SLC22A23: variants seen among roughly 807,000 people sequenced by gnomAD.
The protein encoded by SLC22A23 is ion transporter protein.
Under a neutral mutation model 61.0 loss-of-function variants are expected in SLC22A23, and 26 were observed. That is an observed-to-expected ratio of 0.43 (90% CI 0.31 to 0.59). The LOEUF (loss-of-function observed/expected upper bound fraction) is 0.59. Ranked by LOEUF, SLC22A23 falls within the 20% of genes least tolerant of loss-of-function variation. The pLI is 0.11. For missense variants in SLC22A23, 796 were observed against 934.7 expected, an observed-to-expected ratio of 0.85 and a Z score of 1.94; for synonymous variants, 430 against 413.9, an observed-to-expected ratio of 1.04 and a Z score of -0.47.
rs143472375 is a variant in SLC22A23 at position 3,346,505 on chromosome 6, G to T, written c.914-22503C>A. ...CTGTGCACCCCATTGCCGCTACTCT[G>T]TTCCAGCTTGGGTAGGGTCCCCTCC... On this transcript the variant is annotated intron_variant, in intron 3 of 9. Coordinates refer to ENST00000406686, the MANE Select transcript of SLC22A23 (RefSeq NM_015482.2). 1.6e-3 allele frequency among the ~76,000 whole-genome samples: 244 copies of T among 152,266 alleles called. 1 individual carries two copies. Among genetic ancestry groups the T allele is most frequent in the African/African-American group, 5.5e-3 (229 of 41,534 alleles).
chr6:3,376,938 C>T (rs1156899257), intron 3 of SLC22A23, among the ~76,000 whole-genome samples: 1 of 151,368 alleles, frequency 6.6e-6, no homozygotes, highest in African/African-American at 2.4e-5. Context: ...GGAAGAAGGG[C>T]ATTTCAGATG....
In SLC22A23 at chr6:3,323,876, G is replaced by A; in HGVS notation, c.1040C>T (p.Ala347Val). 1.2e-6 allele frequency: 2 copies of A among 1,614,086 alleles called. No homozygotes were observed. Among genetic ancestry groups the A allele is most frequent in the African/African-American group, 1.3e-5 (1 of 75,068 alleles). The change falls in exon 4 of 10, where the codon GCC becomes GTC. Residue 347 changes from alanine (A) to valine (V), a missense_variant. Ala to Val is a moderately conservative substitution (Grantham distance 64). Coordinates refer to ENST00000406686, the MANE Select transcript of SLC22A23 (RefSeq NM_015482.2). ...ALCRDWQVLQ[A>V]LIICPFLLML... is the part of the protein sequence containing the mutation. ...GAGCAGGAAGGGGCAGATGATGAGG[G>A]CCTGCAGCACCTGCCAATCCCGGCA...
In SLC22A23 at chr6:3,308,235, G is replaced by GCC. The variant is rs151141993; in HGVS notation, c.1083-10019_1083-10018dup. On this transcript the variant is annotated intron_variant, in intron 4 of 9. Transcript: ENST00000406686. This position sits in a 1 kb window ranked among gnomAD's most constrained non-coding sequence, Gnocchi z 5.1. ...AGAAAATATTACAGAGAAGACGAAA[G>GCC]CCCCCCCATACCGCTCACCCCAATC... is the stretch of plus-strand genomic sequence containing the variant. Among the ~76,000 whole-genome samples, 1 of 152,114 alleles carries GCC rather than the reference G, an allele frequency of 6.6e-6. No individual in the cohort carries two copies. The highest frequency in any genetic ancestry group is 2.4e-5 in the African/African-American group (1 of 41,484).
chr6:3,416,532 A>G (rs192745369), intron 1 of SLC22A23, among the ~76,000 whole-genome samples: 8 of 152,282 alleles, frequency 5.3e-5, no homozygotes, highest in South Asian at 2.1e-4. Context: ...GTTTAATAAG[A>G]AAAATACAAA....
rs538838454 is a variant in SLC22A23, at chr6:3,372,876, GT to G, written c.913+37311del. Among the ~76,000 whole-genome samples, 39 of 152,306 alleles carry G rather than the reference GT, an allele frequency of 2.6e-4. No homozygotes were observed. The highest frequency in any genetic ancestry group is 9.1e-4 in the African/African-American group (38 of 41,564). On this transcript the variant is annotated intron_variant, in intron 3 of 9. Transcript: ENST00000406686. This position sits in a 1 kb window ranked among gnomAD's most constrained non-coding sequence, Gnocchi z 4.7. ...AATACTTAAAATACACTAAGTGAGA[GT>G]CAGGATTCTTCCGTAAAACTCCAAT...
At chr6:3,284,783 A>C (rs1648269857) in intron 8 of SLC22A23, among the ~76,000 whole-genome samples, 1 of 152,224 alleles carries the variant, frequency 6.6e-6, no homozygotes, top group Admixed American at 6.5e-5. Flanking sequence ...CCTAAGACAA[A>C]GCATGTTGGC....
At chr6:3,302,189 T>C (rs1202935021) in intron 4 of SLC22A23, among the ~76,000 whole-genome samples, 1 of 152,230 alleles carries the variant, frequency 6.6e-6, no homozygotes, top group African/African-American at 2.4e-5. Context: ...CAGGAATTTA[T>C]CCATTTCCTT....
Position 3,286,937 on chromosome 6 carries a change from G to C in SLC22A23, c.1468C>G (p.Leu490Val). ...AGCAGCAGCCCTCCCCTGCGCCCGAGGAATCGGACCACCACGCACATGGCC... is the reference window on the plus strand; with the variant it reads ...AGCAGCAGCCCTCCCCTGCGCCCGACGAATCGGACCACCACGCACATGGCC... ...CLAMCVVVRF[L>V]GRRGGLLLFM... The change falls in exon 7 of 10, where the codon CTC becomes GTC. Residue 490 changes from leucine to valine, a missense_variant. Transcript: ENST00000406686. The surrounding 1 kb of genome is among the most constrained non-coding windows in gnomAD (Gnocchi z 4.2). 1 of 1,613,994 alleles carries C rather than the reference G, an allele frequency of 6.2e-7. No individual in the cohort carries two copies.
intron 3 of SLC22A23, among the ~76,000 whole-genome samples, chr6:3,348,361 T>A (rs1764566890): frequency 6.6e-6 from 1 of 152,200 alleles, no homozygotes; most frequent in South Asian, 2.1e-4. Flanking sequence ...TGTATTTTTC[T>A]ACAAGCTTCT....
At chr6:3,407,628 A>G (rs946344932) in intron 3 of SLC22A23, among the ~76,000 whole-genome samples, 1 of 152,252 alleles carries the variant, frequency 6.6e-6, no homozygotes, top group Non-Finnish European at 1.5e-5. Flanking sequence ...CCTTTGGTTT[A>G]GTTTAGTTGT....
In SLC22A23 at chr6:3,438,934, C is replaced by T. The variant is rs896230492; in HGVS notation, c.654+16972G>A. 9.2e-5 allele frequency among the ~76,000 whole-genome samples: 14 copies of T among 152,354 alleles called. No individual in the cohort carries two copies. In the South Asian group the frequency reaches 2.1e-3, roughly 23 times the overall value. ...CCTCAGCCTGAACACCCATGTGTCCCGTACTGTGGGTTAAAGAGCAGAGGT... is the reference window on the plus strand; with the variant it reads ...CCTCAGCCTGAACACCCATGTGTCCTGTACTGTGGGTTAAAGAGCAGAGGT... On this transcript the variant is annotated intron_variant, in intron 1 of 9. Transcript: ENST00000406686.
intron 3 of SLC22A23, among the ~76,000 whole-genome samples, chr6:3,397,011 C>T (rs1402219333): frequency 1.3e-5 from 2 of 152,068 alleles, no homozygotes; most frequent in African/African-American, 4.8e-5. Context: ...CCCCGTCACG[C>T]ACGCCCACCG....
In SLC22A23 at chr6:3,324,094, C is replaced by T. The variant is rs1044488895; in HGVS notation, c.914-92G>A. The T allele has an allele frequency of 3.4e-6, 5 of 1,461,232 alleles. No homozygotes were observed. In the African/African-American group the frequency reaches 5.6e-5, roughly 16 times the overall value. 90.5% of individuals were successfully genotyped at this position (1,461,232 alleles called of 1,614,324 possible). ...ACCTGGGCCAGTGCACTGCTTAACC[C>T]ACCAACGACTGAAATTGTTTTCATC... On this transcript the variant is annotated intron_variant, in intron 3 of 9. Coordinates refer to ENST00000406686, the MANE Select transcript of SLC22A23 (RefSeq NM_015482.2). The surrounding 1 kb of genome is among the most constrained non-coding windows in gnomAD (Gnocchi z 4.3).
chr6:3,385,444 A>G (rs1767237891), intron 3 of SLC22A23, among the ~76,000 whole-genome samples: 1 of 152,190 alleles, frequency 6.6e-6, no homozygotes. Context: ...TGAGTCTGGG[A>G]GGCAGAGGTT....
rs1221362028 is a variant in SLC22A23, at chr6:3,309,396, AAC to A, written c.1083-11180_1083-11179del. 2.0e-5 allele frequency among the ~76,000 whole-genome samples: 3 copies of A among 152,226 alleles called. No individual in the cohort carries two copies. Among genetic ancestry groups the A allele is most frequent in the Non-Finnish European group, 4.4e-5 (3 of 68,034 alleles). On this transcript the variant is annotated intron_variant, in intron 4 of 9. Coordinates refer to ENST00000406686, the MANE Select transcript of SLC22A23 (RefSeq NM_015482.2). This position sits in a 1 kb window ranked among gnomAD's most constrained non-coding sequence, Gnocchi z 4.7. ...GAGGTAACTCAGTCCACTCACTGAAAACACAGACTTGCTTCACAGAGGCGCGC... is the reference window on the plus strand; with the variant it reads ...GAGGTAACTCAGTCCACTCACTGAAAACAGACTTGCTTCACAGAGGCGCGC...
chr6:3,282,537 C>G (rs961953887), intron 9 of SLC22A23, among the ~76,000 whole-genome samples: 7 of 152,246 alleles, frequency 4.6e-5, no homozygotes, highest in African/African-American at 1.7e-4. Flanking sequence ...GCTCCCAAAG[C>G]CTTCCCCAGC....
At chr6:3,336,096 A>T (rs1763842354) in intron 3 of SLC22A23, among the ~76,000 whole-genome samples, 1 of 152,022 alleles carries the variant, frequency 6.6e-6, no homozygotes, top group South Asian at 2.1e-4. Flanking sequence ...CTCAAAAAAA[A>T]AAAAAGAGAG....
At chr6:3,353,778 C>T (rs974506478) in intron 3 of SLC22A23, among the ~76,000 whole-genome samples, 2 of 152,156 alleles carry the variant, frequency 1.3e-5, no homozygotes, top group Admixed American at 6.5e-5. Flanking sequence ...AGAGCTCCCT[C>T]CTCAGGAAGC....
intron 4 of SLC22A23, chr6:3,313,594 T>C (rs985106395): frequency 6.6e-6 from 1 of 152,194 alleles, no homozygotes; most frequent in Non-Finnish European, 1.5e-5. Flanking sequence ...TAGAGTCTCT[T>C]TGTATAATGC....
Sources: gnomAD v4.1 joint callset for allele counts (sites outside exome capture counted in the v4.1 genomes callset) on GRCh38, gnomAD v4.1.1 for gene constraint, Gnocchi (gnomAD v3.1) non-coding constraint, MANE v1.5 for transcripts, NCBI Gene and HGNC (gene_info 2026-07-23, HGNC 2026-07-21) for gene names.